The following UTS2 variants were observed in gnomAD, a reference collection of about 807,000 sequenced individuals.
UTS2 encodes urotensin 2, also known as urotensin-2.
UTS2 carries 10 observed loss-of-function variants against 12.6 expected under a neutral mutation model. The ratio of observed to expected loss-of-function variants is 0.80; its 90% CI spans 0.49 to 1.35. UTS2 has a LOEUF of 1.35. Ranked by LOEUF, UTS2 falls within the 40% of genes most tolerant of loss-of-function variation. UTS2 has a pLI of 0.00. For missense variants in UTS2, 142 were observed against 143.2 expected, an observed-to-expected ratio of 0.99 and a Z score of 0.04; for synonymous variants, 52 against 50.0, an observed-to-expected ratio of 1.04 and a Z score of -0.17.
chr1:7,868,213 A>C, the UTS2 span, among the ~76,000 whole-genome samples: 5 of 152,222 alleles, frequency 3.3e-5, no homozygotes, highest in African/African-American at 1.2e-4. Flanking sequence ...CCTTCTCCTA[A>C]TGCATGCTCC....
chr1:7,898,110 GA>G, the UTS2 span, among the ~76,000 whole-genome samples: 11 of 152,112 alleles, frequency 7.2e-5, no homozygotes, highest in Non-Finnish European at 1.6e-4. Flanking sequence ...CTGCAAATAA[GA>G]ATGGTTTTGT....
chr1:7,856,861 G>C (rs1267417886), upstream of UTS2, among the ~76,000 whole-genome samples: 1 of 152,090 alleles, frequency 6.6e-6, no homozygotes, highest in African/African-American at 2.4e-5. Flanking sequence ...AGGCGTTTGA[G>C]ACCAGCCTGG....
At chr1:7,851,323 G>C (rs1046551815) in intron 1 of UTS2, among the ~76,000 whole-genome samples, 1 of 76,690 alleles carries the variant, frequency 1.3e-5, no homozygotes. Flanking sequence ...AGAGGAAAAA[G>C]AAAGATCGTT....
chr1:7,902,893 T>G, the UTS2 span, among the ~76,000 whole-genome samples: 1 of 152,134 alleles, frequency 6.6e-6, no homozygotes, highest in Non-Finnish European at 1.5e-5. Context: ...GCTCAGAGCC[T>G]TCCCTTTGAT....
chr1:7,850,685 T>C (rs2097413032), intron 2 of UTS2, 127 bp downstream of exon 2: 1 of 917,288 alleles, frequency 1.1e-6, no homozygotes, highest in Non-Finnish European at 1.7e-6. Context: ...AGAGTGTTGG[T>C]AATTACTTAT....
the UTS2 span, among the ~76,000 whole-genome samples, chr1:7,878,336 A>T: frequency 6.6e-6 from 1 of 152,244 alleles, no homozygotes; most frequent in Non-Finnish European, 1.5e-5. Context: ...GAAAACACAC[A>T]AAAGTATAAA....
At chr1:7,886,075 G>GA in the UTS2 span, among the ~76,000 whole-genome samples, 1 of 152,158 alleles carries the variant, frequency 6.6e-6, no homozygotes, top group Non-Finnish European at 1.5e-5. Context: ...CAGGTACCCA[G>GA]GTGTAAACCT....
At chr1:7,863,403 G>A in the UTS2 span, among the ~76,000 whole-genome samples, 6 of 152,142 alleles carry the variant, frequency 3.9e-5, no homozygotes, top group East Asian at 1.9e-4. Flanking sequence ...GAGCCACCAC[G>A]CCTGGCCGAC....
chr1:7,903,130 C>CCTTTTTTTAATTA, the UTS2 span, among the ~76,000 whole-genome samples: 138 of 33,524 alleles, frequency 4.1e-3, 11 homozygotes, highest in South Asian at 5.8e-3. Flanking sequence ...TCCCCTCCTT[C>CCTTTTTTTAATTA]TCCTGCTTCC....
chr1:7,858,202 C>T (rs1015293395), upstream of UTS2, among the ~76,000 whole-genome samples: 1 of 152,228 alleles, frequency 6.6e-6, no homozygotes, highest in African/African-American at 2.4e-5. Flanking sequence ...TTTCCTTCAA[C>T]AGACCATCAA....
upstream of UTS2, among the ~76,000 whole-genome samples, chr1:7,856,834 G>C (rs1286079104): frequency 6.6e-6 from 1 of 152,168 alleles, no homozygotes; most frequent in Non-Finnish European, 1.5e-5. Context: ...GCCGAGGCAG[G>C]TGCATCACCT....
chr1:7,906,483 GAA>G, the UTS2 span, among the ~76,000 whole-genome samples: 1 of 123,092 alleles, frequency 8.1e-6, no homozygotes, highest in Non-Finnish European at 1.7e-5. Flanking sequence ...AAGAAAGAAA[GAA>G]AGAAAGAAAG....
the UTS2 span, among the ~76,000 whole-genome samples, chr1:7,891,536 A>G: frequency 9.1e-6 from 1 of 109,820 alleles, no homozygotes; most frequent in African/African-American, 3.6e-5. Context: ...AGAAAGAAAG[A>G]AAAGAAAGAA....
At chr1:7,859,389 A>AG in the UTS2 span, among the ~76,000 whole-genome samples, 57,806 of 152,064 alleles carry the variant, frequency 0.38, 11,495 homozygotes, top group Middle Eastern at 0.64. Flanking sequence ...ATAACCCCTG[A>AG]GGGGGTCACA....
intron 1 of UTS2, 71 bp downstream of exon 1, chr1:7,852,830 T>A: frequency 6.7e-7 from 1 of 1,497,282 alleles, no homozygotes; most frequent in Non-Finnish European, 9.0e-7. Flanking sequence ...CCCATTCTTA[T>A]CTCTAACATT....
chr1:7,900,644 G>C, the UTS2 span, among the ~76,000 whole-genome samples: 1 of 151,874 alleles, frequency 6.6e-6, no homozygotes, highest in South Asian at 2.1e-4. Flanking sequence ...CAGGCACAGT[G>C]GTGGCTGGCG....
chr1:7,911,700 G>A, the UTS2 span, among the ~76,000 whole-genome samples: 4 of 152,044 alleles, frequency 2.6e-5, no homozygotes, highest in Admixed American at 6.6e-5. Context: ...TCAGGAGTTC[G>A]AGACCAGCCT....
the UTS2 span, among the ~76,000 whole-genome samples, chr1:7,869,171 C>A: frequency 6.6e-6 from 1 of 152,210 alleles, no homozygotes. Flanking sequence ...GGTGGAGAGG[C>A]CTGCCAAGGT....
At chr1:7,902,923 C>G in the UTS2 span, among the ~76,000 whole-genome samples, 1 of 152,100 alleles carries the variant, frequency 6.6e-6, no homozygotes, top group African/African-American at 2.4e-5. Context: ...GGCCTGCGCG[C>G]TGGTGGTGTC....
Sources: gnomAD v4.1 joint callset for allele counts (sites outside exome capture counted in the v4.1 genomes callset) on GRCh38, gnomAD v4.1.1 for gene constraint, MANE v1.5 for transcripts, NCBI Gene and HGNC (gene_info 2026-07-23, HGNC 2026-07-21) for gene names.